The following SLC35F3 variants were observed in gnomAD, a reference collection of about 807,000 sequenced individuals.
SLC35F3 encodes putative thiamine transporter SLC35F3.
In SLC35F3, 25 loss-of-function variants were observed where a neutral mutation model predicts 49.9. The ratio of observed to expected loss-of-function variants is 0.50; its 90% CI spans 0.37 to 0.70. SLC35F3 has a LOEUF of 0.70. SLC35F3 is among the 30% of genes least tolerant of loss of function. SLC35F3 has a pLI of 0.00. For missense variants in SLC35F3, 525 were observed against 639.8 expected, an observed-to-expected ratio of 0.82 and a Z score of 1.94; for synonymous variants, 275 against 265.4, an observed-to-expected ratio of 1.04 and a Z score of -0.35.
At chr1:234,172,005 A>C (rs566304149) in intron 2 of SLC35F3, among the ~76,000 whole-genome samples, 2 of 151,534 alleles carry the variant, frequency 1.3e-5, no homozygotes, top group South Asian at 2.1e-4. Flanking sequence ...GTTTCTACCC[A>C]GTGAAAAGTG....
chr1:234,246,267 C>T (rs1228770729), intron 3 of SLC35F3, among the ~76,000 whole-genome samples: 3 of 152,080 alleles, frequency 2.0e-5, no homozygotes, highest in Non-Finnish European at 1.5e-5. Context: ...TCTAACCTGA[C>T]CCCAGAGAGC....
chr1:234,139,965 A>AAAATAAAATAAAATAAAATAAAAT (rs1558239947), intron 2 of SLC35F3, among the ~76,000 whole-genome samples: 21 of 130,368 alleles, frequency 1.6e-4, no homozygotes, highest in Non-Finnish European at 2.1e-4. Flanking sequence ...AAAATAAAAT[A>AAAATAAAATAAAATAAAATAAAAT]AAATAAAATA....
chr1:234,158,772 G>C (rs1051628216), intron 2 of SLC35F3, among the ~76,000 whole-genome samples: 6 of 152,094 alleles, frequency 3.9e-5, no homozygotes, highest in African/African-American at 1.4e-4. Context: ...CATTCTCTTT[G>C]TATTTTGTCA....
intron 4 of SLC35F3, among the ~76,000 whole-genome samples, chr1:234,316,256 A>G (rs1468388297): frequency 3.9e-5 from 6 of 152,254 alleles, no homozygotes; most frequent in Admixed American, 3.9e-4. Flanking sequence ...ATTATCTACC[A>G]GGCTTGTCAT....
intron 2 of SLC35F3, among the ~76,000 whole-genome samples, chr1:234,129,427 G>T (rs957575921): frequency 6.6e-6 from 1 of 152,130 alleles, no homozygotes; most frequent in African/African-American, 2.4e-5. Context: ...ACAAAAGATT[G>T]CAGAAAAATA....
chr1:234,260,859 G>A (rs1667893975), intron 3 of SLC35F3, among the ~76,000 whole-genome samples: 1 of 152,120 alleles, frequency 6.6e-6, no homozygotes, highest in African/African-American at 2.4e-5. Flanking sequence ...ACACTTTACT[G>A]CACGGACTTC....
chr1:234,040,080 A>G (rs1664198719), intron 2 of SLC35F3, among the ~76,000 whole-genome samples: 2 of 152,150 alleles, frequency 1.3e-5, no homozygotes, highest in South Asian at 4.2e-4. Flanking sequence ...ATAATGGTAA[A>G]TGTGGAGAAT....
chr1:234,143,405 C>G (rs1391814132), intron 2 of SLC35F3, among the ~76,000 whole-genome samples: 1 of 151,534 alleles, frequency 6.6e-6, no homozygotes, highest in Non-Finnish European at 1.5e-5. Context: ...TCTCCTGCCT[C>G]AGCCTCCCAA....
chr1:234,065,249 G>A (rs1355273753), intron 2 of SLC35F3, among the ~76,000 whole-genome samples: 1 of 152,022 alleles, frequency 6.6e-6, no homozygotes, highest in African/African-American at 2.4e-5. Context: ...TGGGTTCAAG[G>A]GATTCTCCTG....
chr1:233,919,987 T>C (rs534305784), intron 2 of SLC35F3, among the ~76,000 whole-genome samples: 1 of 152,292 alleles, frequency 6.6e-6, no homozygotes, highest in South Asian at 2.1e-4. Context: ...GAACCCTTGG[T>C]AGGATTCACC....
At chr1:234,291,602 A>G in intron 3 of SLC35F3, among the ~76,000 whole-genome samples, 1 of 152,084 alleles carries the variant, frequency 6.6e-6, no homozygotes, top group African/African-American at 2.4e-5. Flanking sequence ...ACAAGTGGCT[A>G]AATTTTTTTA....
intron 3 of SLC35F3, among the ~76,000 whole-genome samples, chr1:234,251,388 G>A (rs76082629): frequency 2.0e-5 from 3 of 149,182 alleles, no homozygotes; most frequent in African/African-American, 4.9e-5. Flanking sequence ...CCTTTCGCCC[G>A]ATAGGGTAAT....
In SLC35F3 at chr1:234,178,326, A is replaced by ATAAAACCTCT. The variant is rs547450144; in HGVS notation, c.284-53089_284-53088insAAACCTCTTA. Among the ~76,000 whole-genome samples, 54 of 152,258 alleles carry ATAAAACCTCT rather than the reference A, an allele frequency of 3.5e-4. No individual in the cohort carries two copies. In the South Asian group the frequency reaches 7.9e-3, roughly 22 times the overall value. On this transcript the variant is annotated intron_variant, in intron 2 of 7. Transcript: ENST00000366618. ...CCTCCAATGCTTTCAGTCAATTGGA[A>ATAAAACCTCT]TACTATGACTTTTAAGAATAAGCAC...
chr1:234,006,958 G>A (rs550260520), intron 2 of SLC35F3, among the ~76,000 whole-genome samples: 139 of 152,224 alleles, frequency 9.1e-4, no homozygotes, highest in Non-Finnish European at 1.7e-3. Flanking sequence ...ATCTTGTAAA[G>A]GAACATAGAG....
At chr1:234,261,839 C>T (rs569772643) in intron 3 of SLC35F3, 5 of 152,122 alleles carry the variant, frequency 3.3e-5, no homozygotes, top group Non-Finnish European at 7.3e-5. Context: ...ATTGCACCCG[C>T]TAAGGATATG....
chr1:234,056,043 C>T (rs1441111979), intron 2 of SLC35F3, among the ~76,000 whole-genome samples: 2 of 151,976 alleles, frequency 1.3e-5, no homozygotes, highest in Non-Finnish European at 2.9e-5. Context: ...TTTAAGTCTT[C>T]ATTAAATTTT....
intron 2 of SLC35F3, among the ~76,000 whole-genome samples, chr1:234,167,100 G>A (rs1173036549): frequency 6.6e-6 from 1 of 152,194 alleles, no homozygotes; most frequent in Admixed American, 6.5e-5. Context: ...CAGGAGCCAG[G>A]TTAGAAATTA....
chr1:233,952,672 G>A (rs541748147), intron 2 of SLC35F3, among the ~76,000 whole-genome samples: 2 of 152,196 alleles, frequency 1.3e-5, no homozygotes, highest in South Asian at 2.1e-4. Flanking sequence ...AAACATTTAG[G>A]TTTTGCAGCT....
intron 2 of SLC35F3, among the ~76,000 whole-genome samples, chr1:234,170,635 G>A (rs1666387619): frequency 6.6e-6 from 1 of 152,108 alleles, no homozygotes; most frequent in Non-Finnish European, 1.5e-5. Context: ...AAGGCTCCAG[G>A]ATTTAACTTT....
Sources: gnomAD v4.1 joint callset for allele counts (sites outside exome capture counted in the v4.1 genomes callset) on GRCh38, gnomAD v4.1.1 for gene constraint, MANE v1.5 for transcripts, NCBI Gene and HGNC (gene_info 2026-07-23, HGNC 2026-07-21) for gene names.